UBE4A: variants seen among roughly 807,000 people sequenced by gnomAD.
The protein encoded by UBE4A is ubiquitin conjugation factor E4 A.
UBE4A carries 48 observed loss-of-function variants against 117.9 expected under a neutral mutation model. The ratio of observed to expected loss-of-function variants is 0.41; its 90% CI spans 0.32 to 0.52. The LOEUF is 0.52. UBE4A is among the 20% of genes least tolerant of loss of function. The pLI, the probability that UBE4A is intolerant of heterozygous loss-of-function variation, is 0.33. For synonymous variants in UBE4A, 407 were observed against 450.0 expected, an observed-to-expected ratio of 0.90 and a Z score of 1.21; for missense variants, 1,067 against 1,296.3, an observed-to-expected ratio of 0.82 and a Z score of 2.72.
rs528786643 is a variant in UBE4A, at chr11:118,381,286, G to GT, written c.1877-97dup. ...CTCTAGTACCAACAAAACATTTAGGGTTTTTTTTAACCTTCATTAAGTAGG... is the reference window on the plus strand; with the variant it reads ...CTCTAGTACCAACAAAACATTTAGGGTTTTTTTTTAACCTTCATTAAGTAGG... On this transcript the variant is annotated intron_variant, in intron 11 of 19. Transcript: ENST00000252108. 1,009 of 1,397,484 alleles carry GT rather than the reference G, an allele frequency of 7.2e-4. 3 individuals are homozygous for GT. In the African/African-American group the frequency reaches 8.7e-3, roughly 12 times the overall value. 86.6% of individuals were successfully genotyped at this position (1,397,484 alleles called of 1,614,324 possible).
chr11:118,389,459 C>G (rs1460494558), intron 16 of UBE4A, among the ~76,000 whole-genome samples: 1 of 152,086 alleles, frequency 6.6e-6, no homozygotes, highest in Non-Finnish European at 1.5e-5. Context: ...GCTAGAAGGA[C>G]AAAATGTTAA....
chr11:118,388,839 C>T (rs533507836), intron 16 of UBE4A, among the ~76,000 whole-genome samples: 13 of 152,282 alleles, frequency 8.5e-5, no homozygotes, highest in Admixed American at 7.2e-4. Context: ...TACAGTGGCT[C>T]ACACCTGTAA....
chr11:118,382,969 A>T, intron 13 of UBE4A, among the ~76,000 whole-genome samples, 193 bp downstream of exon 13: 1 of 147,424 alleles, frequency 6.8e-6, no homozygotes, highest in Non-Finnish European at 1.5e-5. Flanking sequence ...GAAAAGTTTC[A>T]CTCTATTATC....
Position 118,376,712 on chromosome 11 carries a change from A to C in UBE4A, c.1571+18A>C, listed in dbSNP as rs782469574. 6.2e-7 allele frequency: 1 copy of C among 1,610,622 alleles called. No homozygotes were observed. The highest frequency in any genetic ancestry group is 8.5e-7 in the Non-Finnish European group (1 of 1,178,582). ...TTTCACAGGTAACTCCTCTGATGTC[A>C]TTAGGAAAAAACAGTTTAGTTGTGT... On this transcript the variant is annotated intron_variant, in intron 10 of 19. Coordinates refer to ENST00000252108, the MANE Select transcript of UBE4A (RefSeq NM_001204077.2).
chr11:118,367,824 A>C (rs1282803792), intron 2 of UBE4A, among the ~76,000 whole-genome samples: 2 of 152,124 alleles, frequency 1.3e-5, no homozygotes, highest in Non-Finnish European at 2.9e-5. Context: ...TAAATGTTCA[A>C]GCTCTTTGAT....
intron 13 of UBE4A, 137 bp from the exon 14 acceptor site, chr11:118,384,498 A>C: frequency 1.4e-6 from 1 of 701,944 alleles, no homozygotes; most frequent in Admixed American, 2.8e-5. Context: ...GGCCTTTAGA[A>C]ACTCCAGGGC....
rs1435204138 is a variant in UBE4A, at chr11:118,371,552, C to T, written c.447C>T (p.Asn149=). The change falls in exon 5 of 20, where the codon AAC becomes AAT. Residue 149 remains asparagine, a synonymous_variant. Coordinates refer to ENST00000252108, the MANE Select transcript of UBE4A (RefSeq NM_001204077.2). ...GCTTATTACTTCAAGATCCAGGCAACCACTTAATTAACATGACTTCTTCTA... is the reference window on the plus strand; with the variant it reads ...GCTTATTACTTCAAGATCCAGGCAATCACTTAATTAACATGACTTCTTCTA... The part of the protein sequence containing the change: ...FARLLLQDPG[N]HLINMTSSTT... 1 of 1,613,868 alleles carries T rather than the reference C, an allele frequency of 6.2e-7. No homozygotes were observed. The highest frequency in any genetic ancestry group is 8.5e-7 in the Non-Finnish European group (1 of 1,179,926).
Position 118,373,439 on chromosome 11 carries a change from C to T in UBE4A, c.925-55C>T. ...TTAACTGTTTTGAGGCCCTCCCACC[C>T]CATCACCTTATCTCACCATGAAGAT... On this transcript the variant is annotated intron_variant, in intron 7 of 19. Coordinates refer to ENST00000252108, the MANE Select transcript of UBE4A (RefSeq NM_001204077.2). 6 of 1,566,340 alleles carry T rather than the reference C, an allele frequency of 3.8e-6. No homozygotes were observed. The South Asian group carries it at 4.8e-5, about 12-fold the overall frequency.
chr11:118,373,635 T>A lies in UBE4A; in HGVS notation c.1066T>A (p.Ser356Thr). The A allele has an allele frequency of 6.2e-7, 1 of 1,614,154 alleles. No homozygotes were observed. The highest frequency in any genetic ancestry group is 8.5e-7 in the Non-Finnish European group (1 of 1,180,032). ...VENHGYFLNP[S>T]RSSPQEIKVQ... is the part of the protein sequence containing the mutation. ...AAATCATGGCTACTTTTTGAATCCATCTCGTTCCAGCCCCCAGGAGATCAA... is the reference window on the plus strand; with the variant it reads ...AAATCATGGCTACTTTTTGAATCCAACTCGTTCCAGCCCCCAGGAGATCAA... Residue 356 changes from serine (S) to threonine (T), a missense_variant, in exon 8 of 20, where the codon TCT (serine) becomes ACT (threonine). This residue lies in a region of UBE4A where 1,001 missense variants were observed against 1,184.0 expected (regional missense o/e 0.85). Coordinates refer to ENST00000252108, the MANE Select transcript of UBE4A (RefSeq NM_001204077.2).
In UBE4A at chr11:118,365,043, C is replaced by T; in HGVS notation, c.-38C>T. ...CTAATACCTGTCCTTTGAACAGCCT[C>T]TCCCACTAGGTCTGGATGGAGGATA... On this transcript the variant is annotated 5_prime_UTR_variant, in exon 2 of 20. Coordinates refer to ENST00000252108, the MANE Select transcript of UBE4A (RefSeq NM_001204077.2). 6.2e-7 allele frequency: 1 copy of T among 1,606,142 alleles called. No homozygotes were observed. The highest frequency in any genetic ancestry group is 1.7e-5 in the Admixed American group (1 of 58,790).
intron 6 of UBE4A, 84 bp from the exon 7 acceptor site, chr11:118,373,002 G>T: frequency 9.4e-5 from 95 of 1,011,108 alleles, no homozygotes; most frequent in Non-Finnish European, 1.2e-4. Context: ...AAAAAAAAAA[G>T]AATTATTGAA....
chr11:118,364,324 G>A (rs966084291), intron 1 of UBE4A, among the ~76,000 whole-genome samples: 1 of 152,042 alleles, frequency 6.6e-6, no homozygotes, highest in Non-Finnish European at 1.5e-5. Flanking sequence ...GTTGGAATTC[G>A]TGTTTCTTCA....
rs1297507306 is a variant in UBE4A, at chr11:118,371,655, G to T, written c.550G>T (p.Ala184Ser). ...TTACCTTTACTCCTGCTTCCAGAGA[G>T]CCAAGGAAGAGGTAAAGGAATAATC... ...FCYLYSCFQRAKEEITKVPEN... is the reference protein window; with the variant it reads ...FCYLYSCFQRSKEEITKVPEN... Residue 184 changes from alanine (A) to serine (S), a missense_variant, in exon 5 of 20, where the codon GCC becomes TCC. By Grantham distance (99) the Ala-to-Ser change is moderately conservative (BLOSUM62 1). Coordinates refer to ENST00000252108, the MANE Select transcript of UBE4A (RefSeq NM_001204077.2). 1.9e-6 allele frequency: 3 copies of T among 1,612,274 alleles called. No homozygotes were observed. In the East Asian group the frequency reaches 6.7e-5, roughly 36 times the overall value.
chr11:118,361,657 A>G (rs1339305816), intron 1 of UBE4A, among the ~76,000 whole-genome samples: 1 of 152,206 alleles, frequency 6.6e-6, no homozygotes, highest in Non-Finnish European at 1.5e-5. Flanking sequence ...AGAGATGACA[A>G]CAGAGACTTA....
chr11:118,368,943 C>A, intron 3 of UBE4A, 139 bp downstream of exon 3: 2 of 866,400 alleles, frequency 2.3e-6, no homozygotes, highest in South Asian at 1.7e-5. Flanking sequence ...GTTTATATTT[C>A]AGTGAACCTT....
At chr11:118,372,480 T>G (rs754270209) in intron 5 of UBE4A, 27 bp from the exon 6 acceptor site, 4 of 1,593,450 alleles carry the variant, frequency 2.5e-6, no homozygotes, top group Non-Finnish European at 3.4e-6. Flanking sequence ...GTTAGACTAT[T>G]CCCTCTTTTC....
Position 118,384,938 on chromosome 11 carries a change from C to T in UBE4A, c.2405C>T (p.Ala802Val). ...GATGCCATCTTCCTTTTGGATGAAG[C>T]CATACAGGTAAAAAAAAAAAAAAAA... ...MNDAIFLLDE[A>V]IQYLSKIKIQ... Residue 802 changes from alanine to valine, a missense_variant, in exon 15 of 20, where the codon GCC (alanine) becomes GTC (valine). By Grantham distance (64) the Ala-to-Val change is moderately conservative. This residue lies in a region of UBE4A where 1,001 missense variants were observed against 1,184.0 expected (regional missense o/e 0.85). Transcript: ENST00000252108. The T allele has an allele frequency of 6.6e-7, 1 of 1,509,734 alleles. No homozygotes were observed. Among genetic ancestry groups the T allele is most frequent in the Non-Finnish European group, 9.0e-7 (1 of 1,108,152 alleles). 93.5% of individuals were successfully genotyped at this position (1,509,734 alleles called of 1,614,324 possible). A position where few individuals can be genotyped will look rare whatever the true frequency, so the allele number is the denominator to read the frequency against.
chr11:118,369,618 G>A (rs1250748171), intron 4 of UBE4A, 83 bp downstream of exon 4: 6 of 940,002 alleles, frequency 6.4e-6, no homozygotes, highest in East Asian at 5.1e-5. Flanking sequence ...TCCAACTTAT[G>A]CTTGTGTCCA....
chr11:118,366,176 A>G (rs1291662294), intron 2 of UBE4A, among the ~76,000 whole-genome samples: 1 of 152,220 alleles, frequency 6.6e-6, no homozygotes, highest in African/African-American at 2.4e-5. Context: ...AGGGAAAAAC[A>G]AAATCAATGT....
Sources: allele counts gnomAD v4.1 joint callset (sites outside exome capture counted in the v4.1 genomes callset), GRCh38; gene constraint gnomAD v4.1.1; regional missense constraint gnomAD v4.1.1; transcripts MANE v1.5; gene names NCBI Gene and HGNC (gene_info 2026-07-23, HGNC 2026-07-21).